MRPS27: variants seen among roughly 807,000 people sequenced by gnomAD.
MRPS27 encodes the protein mitochondrial ribosomal protein S27.
Under a neutral mutation model 48.9 loss-of-function variants are expected in MRPS27, and 43 were observed. The observed-to-expected ratio is 0.88, with a 90% CI of 0.69 to 1.13. MRPS27 has a LOEUF of 1.13. Ranked by LOEUF, MRPS27 falls within the 50% of genes most tolerant of loss-of-function variation. The probability of loss-of-function intolerance (pLI) is 0.00; values close to 1 mark genes in which losing one functional copy is unlikely to be tolerated. For synonymous variants in MRPS27, 188 were observed against 171.9 expected (o/e 1.09, Z -0.73); for missense variants, 467 against 476.3 (o/e 0.98, Z 0.18).
chr5:72,292,541 T>C (rs937534879), intron 4 of MRPS27, among the ~76,000 whole-genome samples: 1 of 152,200 alleles, frequency 6.6e-6, no homozygotes. Flanking sequence ...GCTGGGATGA[T>C]AGGGTGATAA....
intron 2 of MRPS27, among the ~76,000 whole-genome samples, chr5:72,297,970 T>C (rs1184426172): frequency 6.6e-6 from 1 of 152,184 alleles, no homozygotes; most frequent in Non-Finnish European, 1.5e-5. Flanking sequence ...TAGGAGATGC[T>C]ATTCTGGACA....
At chr5:72,251,074 C>T (rs538589643) in intron 4 of MRPS27, among the ~76,000 whole-genome samples, 150 of 152,200 alleles carry the variant, frequency 9.9e-4, no homozygotes, top group Non-Finnish European at 1.9e-3. Flanking sequence ...GAGCAGTCAG[C>T]AGCAGCCTCA....
chr5:72,234,058 G>C (rs904671443), intron 6 of MRPS27, 61 bp downstream of exon 6: 1 of 1,406,744 alleles, frequency 7.1e-7, no homozygotes, highest in East Asian at 2.9e-5. Context: ...TCCTACATTT[G>C]TACACCTCCC....
intron 4 of MRPS27, among the ~76,000 whole-genome samples, chr5:72,251,667 C>T (rs1335297684): frequency 6.6e-6 from 1 of 152,138 alleles, no homozygotes; most frequent in Non-Finnish European, 1.5e-5. Flanking sequence ...AGTGTGGATG[C>T]CTATGGAGGA....
chr5:72,303,867 A>G (rs1044507355), intron 2 of MRPS27, among the ~76,000 whole-genome samples: 3 of 140,930 alleles, frequency 2.1e-5, no homozygotes, highest in African/African-American at 5.3e-5. Context: ...TGGGCAACAC[A>G]GCAAGACCTC....
At chr5:72,262,650 C>G (rs1478682447) in intron 4 of MRPS27, among the ~76,000 whole-genome samples, 1 of 151,860 alleles carries the variant, frequency 6.6e-6, no homozygotes, top group Non-Finnish European at 1.5e-5. Flanking sequence ...GTGATGAAAG[C>G]AAGTGGACAG....
At chr5:72,243,343 CT>C (rs1029053536) in intron 4 of MRPS27, among the ~76,000 whole-genome samples, 6 of 152,126 alleles carry the variant, frequency 3.9e-5, no homozygotes, top group Non-Finnish European at 8.8e-5. Context: ...TCATTATTTT[CT>C]TTTTCATCCT....
At chr5:72,319,667 C>T (rs1750690167) in intron 1 of MRPS27, among the ~76,000 whole-genome samples, 1 of 151,910 alleles carries the variant, frequency 6.6e-6, no homozygotes, top group East Asian at 1.9e-4. Context: ...CCTCAGCCCC[C>T]CGAGTAGCTG....
chr5:72,281,511 A>C (rs972456458), intron 4 of MRPS27, among the ~76,000 whole-genome samples: 1 of 152,240 alleles, frequency 6.6e-6, no homozygotes, highest in Non-Finnish European at 1.5e-5. Context: ...AATTTTATAG[A>C]TGGGTCAGAG....
At chr5:72,244,118 A>T (rs921458201) in intron 4 of MRPS27, among the ~76,000 whole-genome samples, 23 of 152,332 alleles carry the variant, frequency 1.5e-4, no homozygotes, top group Admixed American at 1.4e-3. Flanking sequence ...GAAAAAATTA[A>T]AACTCAGCTT....
At chr5:72,301,245 T>G (rs888654979) in intron 2 of MRPS27, among the ~76,000 whole-genome samples, 1 of 152,220 alleles carries the variant, frequency 6.6e-6, no homozygotes, top group Non-Finnish European at 1.5e-5. Flanking sequence ...AGCAATTAGC[T>G]TTTCTTATGA....
At chr5:72,241,778 G>T in intron 4 of MRPS27, 1 of 1,258,046 alleles carries the variant, frequency 7.9e-7, no homozygotes, top group Non-Finnish European at 1.1e-6. Context: ...GTTCTCGCCT[G>T]CTCTGACCAC....
chr5:72,319,965 T>C, intron 1 of MRPS27, 184 bp downstream of exon 1: 1 of 641,154 alleles, frequency 1.6e-6, no homozygotes, highest in East Asian at 2.7e-5. Flanking sequence ...GACAGGAACA[T>C]ACTGTTATTT....
In MRPS27 at chr5:72,223,902, C is replaced by T. The variant is rs1327190030; in HGVS notation, c.838-52G>A. On this transcript the variant is annotated intron_variant, in intron 9 of 10. Coordinates refer to ENST00000261413, the MANE Select transcript of MRPS27 (RefSeq NM_015084.3). The stretch of plus-strand genomic sequence containing the variant: ...CCAAATGTTTTATGGCCCAAAAGCA[C>T]ATGGTGAAGAAAGGCTAGAGAAGGC... 6 of 1,580,902 alleles carry T rather than the reference C, an allele frequency of 3.8e-6. No individual in the cohort carries two copies. In the African/African-American group the frequency reaches 5.4e-5, roughly 14 times the overall value.
chr5:72,320,199 C>T lies in MRPS27; in HGVS notation c.23G>A (p.Arg8His), dbSNP rs772014778. The change falls in exon 1 of 11, where the codon CGC (arginine) becomes CAC (histidine). Residue 8 changes from arginine to histidine, a missense_variant. Physicochemically the swap from Arg to His is conservative, Grantham distance 29. Coordinates refer to ENST00000261413, the MANE Select transcript of MRPS27 (RefSeq NM_015084.3). MAASIVR[R>H]GMLLARQVVL... The stretch of plus-strand genomic sequence containing the variant: ...CACTTGCCGCGCCAGGAGCATCCCG[C>T]GCCGCACTATGGAGGCAGCCATCTT... 5 of 1,613,960 alleles carry T rather than the reference C, an allele frequency of 3.1e-6. No individual in the cohort carries two copies. In the South Asian group the frequency reaches 3.3e-5, roughly 11 times the overall value.
At chr5:72,222,297 C>T (rs148789250) in intron 10 of MRPS27, among the ~76,000 whole-genome samples, 8 of 152,304 alleles carry the variant, frequency 5.3e-5, no homozygotes, top group African/African-American at 1.9e-4. Context: ...AGTTGGCAAA[C>T]TTTTGTTCAA....
intron 6 of MRPS27, among the ~76,000 whole-genome samples, 154 bp from the exon 7 acceptor site, chr5:72,232,712 G>C (rs557321242): frequency 5.6e-4 from 86 of 152,258 alleles, no homozygotes; most frequent in Admixed American, 9.8e-4. Context: ...TCTGGCCCTA[G>C]TTCTTCCACA....
At chr5:72,319,212 A>G (rs773509701) in intron 1 of MRPS27, among the ~76,000 whole-genome samples, 3 of 152,192 alleles carry the variant, frequency 2.0e-5, no homozygotes, top group Non-Finnish European at 2.9e-5. Context: ...ATACTTTAAA[A>G]CTTTTTTCCA....
intron 1 of MRPS27, 181 bp downstream of exon 1, chr5:72,319,968 T>C (rs1156381392): frequency 7.7e-6 from 5 of 646,086 alleles, no homozygotes; most frequent in Non-Finnish European, 1.1e-5. Flanking sequence ...AGGAACATAC[T>C]GTTATTTTAG....
Sources: gnomAD v4.1 joint callset for allele counts (sites outside exome capture counted in the v4.1 genomes callset) on GRCh38, gnomAD v4.1.1 for gene constraint, MANE v1.5 for transcripts, NCBI Gene and HGNC (gene_info 2026-07-23, HGNC 2026-07-21) for gene names.